The following DMD variants were observed in gnomAD, a reference collection of about 807,000 sequenced individuals.
The protein encoded by DMD is mutant dystrophin.
DMD carries 63 observed loss-of-function variants against 330.1 expected under a neutral mutation model. The ratio of observed to expected loss-of-function variants is 0.19; its 90% CI spans 0.16 to 0.24. DMD has a LOEUF of 0.24. Ranked by LOEUF, DMD falls within the 10% of genes least tolerant of loss-of-function variation. The probability of loss-of-function intolerance (pLI) is 1.00; values close to 1 mark genes in which losing one functional copy is unlikely to be tolerated. For synonymous variants in DMD, 1,223 were observed against 959.8 expected (o/e 1.27, Z -5.07); for missense variants, 3,344 against 2,684.1 (o/e 1.25, Z -5.43).
At chrX:31,308,723 T>G (rs1421264606) in intron 62 of DMD, among the ~76,000 whole-genome samples, 4 of 110,542 alleles carry the variant, frequency 3.6e-5, no homozygotes, top group Non-Finnish European at 7.6e-5. Context: ...TCTATTTTTT[T>G]GTGTGTGATT....
intron 1 of DMD, among the ~76,000 whole-genome samples, chrX:33,101,019 C>A (rs1380654429): frequency 2.7e-5 from 3 of 111,950 alleles, no homozygotes; most frequent in Non-Finnish European, 3.8e-5. Context: ...AGCCATGTGA[C>A]AAGTGTGGGA....
chrX:32,776,418 G>C (rs949598616), intron 7 of DMD, among the ~76,000 whole-genome samples: 7 of 110,457 alleles, frequency 6.3e-5, no homozygotes, highest in African/African-American at 2.0e-4. Flanking sequence ...CTGTTATAAA[G>C]AGTACCTGTG....
intron 41 of DMD, among the ~76,000 whole-genome samples, chrX:32,335,585 G>A (rs1465407999): frequency 1.0e-4 from 3 of 29,216 alleles, no homozygotes; most frequent in Non-Finnish European, 1.4e-4. Flanking sequence ...TACATAACAT[G>A]TGTATGTTAT....
intron 51 of DMD, among the ~76,000 whole-genome samples, chrX:31,753,408 GA>G (rs1188560266): frequency 9.0e-6 from 1 of 111,594 alleles, no homozygotes; most frequent in African/African-American, 3.2e-5. Context: ...AACTGAGAGA[GA>G]AAGATTATCA....
intron 35 of DMD, 138 bp downstream of exon 35, chrX:32,364,882 A>G (rs1207097544): frequency 4.1e-6 from 3 of 724,237 alleles, no homozygotes; most frequent in African/African-American, 4.4e-5. Flanking sequence ...ATATTAAAAT[A>G]TTGTTATAGA....
chrX:32,586,500 C>A (rs1256034408), intron 13 of DMD, among the ~76,000 whole-genome samples: 6 of 108,454 alleles, frequency 5.5e-5, no homozygotes, highest in Non-Finnish European at 1.1e-4. Context: ...CTCATTCATG[C>A]AAATGCTATA....
At chrX:31,785,961 T>C (rs911765072) in intron 50 of DMD, among the ~76,000 whole-genome samples, 2 of 112,028 alleles carry the variant, frequency 1.8e-5, no homozygotes, top group African/African-American at 6.5e-5. Flanking sequence ...TTTGGGTATA[T>C]ACCCAGTAAT....
At chrX:33,139,233 G>C (rs1000109051) in intron 1 of DMD, among the ~76,000 whole-genome samples, 2 of 111,570 alleles carry the variant, frequency 1.8e-5, no homozygotes, top group African/African-American at 6.5e-5. Flanking sequence ...AGGAGTTCCA[G>C]GCTGCAGTGA....
At chrX:31,151,418 C>T (rs2037403756) in intron 74 of DMD, among the ~76,000 whole-genome samples, 1 of 112,313 alleles carries the variant, frequency 8.9e-6, no homozygotes, top group South Asian at 3.7e-4. Flanking sequence ...CAAGATGGTA[C>T]AACAAGCCAT....
At chrX:31,451,280 C>CT (rs58331900) in intron 59 of DMD, among the ~76,000 whole-genome samples, 13 of 53,091 alleles carry the variant, frequency 2.4e-4, no homozygotes, top group African/African-American at 7.1e-4. Flanking sequence ...CCTTTCTTTC[C>CT]TTTTTTTTTT....
At chrX:33,267,457 A>G (rs2053063769) in intron 1 of DMD, among the ~76,000 whole-genome samples, 1 of 111,330 alleles carries the variant, frequency 9.0e-6, no homozygotes, top group African/African-American at 3.3e-5. Context: ...TGCTGTCCTT[A>G]TCAAACTACC....
chrX:32,509,100 G>C (rs184904873), intron 18 of DMD, among the ~76,000 whole-genome samples: 1 of 108,525 alleles, frequency 9.2e-6, no homozygotes, highest in Non-Finnish European at 1.9e-5. Flanking sequence ...GTGAGCCACC[G>C]TGCCTGGCCA....
At chrX:31,131,069 G>GT (rs375106267) in intron 77 of DMD, among the ~76,000 whole-genome samples, 286 of 111,529 alleles carry the variant, frequency 2.6e-3, no homozygotes, top group African/African-American at 8.9e-3. Flanking sequence ...CATGAACTTT[G>GT]TTTTTTGTAA....
At chrX:32,638,896 GA>G (rs892257353) in intron 11 of DMD, among the ~76,000 whole-genome samples, 4 of 108,056 alleles carry the variant, frequency 3.7e-5, no homozygotes, top group East Asian at 2.9e-4. Context: ...ACACTTGGGG[GA>G]AAAAAAAAGA....
At chrX:32,383,986 A>G (rs904520780) in intron 33 of DMD, among the ~76,000 whole-genome samples, 1 of 110,591 alleles carries the variant, frequency 9.0e-6, no homozygotes, top group African/African-American at 3.3e-5. Flanking sequence ...CCCCTTTACC[A>G]AAACATATAT....
intron 55 of DMD, among the ~76,000 whole-genome samples, chrX:31,557,689 C>G (rs1341502166): frequency 8.9e-6 from 1 of 111,924 alleles, no homozygotes. Flanking sequence ...TTGCTCCAAT[C>G]TGCTTATTAA....
intron 1 of DMD, among the ~76,000 whole-genome samples, chrX:33,272,664 G>GAAAAAAAAAAAAAAAAA: frequency 1.2e-5 from 1 of 84,644 alleles, no homozygotes. Flanking sequence ...ACATCAAAAT[G>GAAAAAAAAAAAAAAAAA]AAAAAAAAAA....
intron 2 of DMD, among the ~76,000 whole-genome samples, chrX:32,857,605 C>T (rs1337561633): frequency 8.9e-6 from 1 of 111,892 alleles, no homozygotes; most frequent in Non-Finnish European, 1.9e-5. Flanking sequence ...GACAGAGATA[C>T]TTGTTTTTAT....
intron 43 of DMD, among the ~76,000 whole-genome samples, chrX:32,280,167 A>ATATATATATATACAG (rs1569555743): frequency 2.6e-5 from 1 of 38,837 alleles, no homozygotes; most frequent in African/African-American, 1.5e-4. Flanking sequence ...TATATACAGT[A>ATATATATATATACAG]TATATATATA....
Sources: gnomAD v4.1 joint callset for allele counts (sites outside exome capture counted in the v4.1 genomes callset) on GRCh38, gnomAD v4.1.1 for gene constraint, MANE v1.5 for transcripts, NCBI Gene and HGNC (gene_info 2026-07-23, HGNC 2026-07-21) for gene names.